Variants in STK39 observed in about 807,000 individuals in gnomAD.
STK39 encodes serine/threonine kinase 39.
Under a neutral mutation model 77.8 loss-of-function variants are expected in STK39, and 20 were observed. The observed-to-expected ratio is 0.26, with a 90% CI of 0.18 to 0.37. The LOEUF is 0.37. Among genes scored for constraint, STK39 ranks in the 10% least tolerant of loss-of-function variants. The pLI, the probability that STK39 is intolerant of heterozygous loss-of-function variation, is 1.00. For synonymous variants in STK39, 246 were observed against 234.1 expected (o/e 1.05, Z -0.47); for missense variants, 479 against 656.5 (o/e 0.73, Z 2.95).
intron 1 of STK39, among the ~76,000 whole-genome samples, chr2:168,215,788 G>A (rs1690010995): frequency 6.6e-6 from 1 of 152,130 alleles, no homozygotes; most frequent in African/African-American, 2.4e-5. Flanking sequence ...GCTAGGTGAG[G>A]AACTGTATTT....
At chr2:168,062,103 A>T (rs1685680989) in intron 14 of STK39, among the ~76,000 whole-genome samples, 1 of 152,172 alleles carries the variant, frequency 6.6e-6, no homozygotes, top group Non-Finnish European at 1.5e-5. Context: ...ACTAAAAAAA[A>T]GATTCCTGCA....
Position 168,162,915 on chromosome 2 carries a change from T to A in STK39, c.572+824A>T, listed in dbSNP as rs183348541. On this transcript the variant is annotated intron_variant, in intron 4 of 17. Transcript: ENST00000355999. ...GGTGCCGCATGCCTGTAATCCCAGC[T>A]ACTCGGGAGGCTGAGACAGGAGAAT... Among the ~76,000 whole-genome samples, 906 of 151,680 alleles carry A rather than the reference T, an allele frequency of 6.0e-3. 5 individuals carry two copies. Among genetic ancestry groups the A allele is most frequent in the Middle Eastern group, 0.024 (7 of 290 alleles).
chr2:168,102,783 T>TA (rs1686866421), intron 10 of STK39, among the ~76,000 whole-genome samples: 1 of 151,514 alleles, frequency 6.6e-6, no homozygotes, highest in South Asian at 2.1e-4. Context: ...CAAAAAAAAT[T>TA]AGTCTGTGTG....
In STK39 at chr2:167,973,787, G is replaced by A. The variant is rs554032412; in HGVS notation, c.1499-9061C>T. Among the ~76,000 whole-genome samples, 3 of 152,300 alleles carry A rather than the reference G, an allele frequency of 2.0e-5. No individual in the cohort carries two copies. In the South Asian group the frequency reaches 6.2e-4, roughly 32 times the overall value. On this transcript the variant is annotated intron_variant, in intron 16 of 17. Coordinates refer to ENST00000355999, the MANE Select transcript of STK39 (RefSeq NM_013233.3). ...TAAGAATAAGCTAAAGGTTTGAACA[G>A]TTATGGAAGGTCTGCAAAAATTAAT...
At chr2:168,033,601 T>C (rs1467582883) in intron 14 of STK39, among the ~76,000 whole-genome samples, 1 of 152,196 alleles carries the variant, frequency 6.6e-6, no homozygotes, top group Non-Finnish European at 1.5e-5. Context: ...TTCTGAAGTG[T>C]ACAATACACT....
At chr2:168,217,847 G>A (rs1690064765) in intron 1 of STK39, among the ~76,000 whole-genome samples, 1 of 152,150 alleles carries the variant, frequency 6.6e-6, no homozygotes, top group Non-Finnish European at 1.5e-5. Context: ...CCATGGACAT[G>A]GAGGACTGAC....
chr2:168,131,218 G>A (rs1156705522), intron 8 of STK39, among the ~76,000 whole-genome samples: 1 of 152,090 alleles, frequency 6.6e-6, no homozygotes, highest in Non-Finnish European at 1.5e-5. Context: ...GTTTAATCTG[G>A]GTGATGGTAT....
chr2:168,206,997 A>G (rs1277322506), intron 1 of STK39, among the ~76,000 whole-genome samples: 1 of 152,186 alleles, frequency 6.6e-6, no homozygotes, highest in East Asian at 1.9e-4. Context: ...CAAGACTCCA[A>G]TTTCAGGTGA....
intron 10 of STK39, among the ~76,000 whole-genome samples, chr2:168,081,610 C>T (rs1686233170): frequency 6.6e-6 from 1 of 152,096 alleles, no homozygotes; most frequent in Non-Finnish European, 1.5e-5. Flanking sequence ...TTTCAGAAGG[C>T]ATGATTGATT....
Position 168,016,387 on chromosome 2 carries a change from CAAA to C in STK39, c.1429+653_1429+655del, listed in dbSNP as rs869084308. 8.7e-3 allele frequency among the ~76,000 whole-genome samples: 572 copies of C among 65,676 alleles called. 7 individuals are homozygous for C. The highest frequency in any genetic ancestry group is 0.029 in the African/African-American group (524 of 18,024). The allele number at this position is 65,676 out of a possible 152,430, so 43.1% of individuals were successfully genotyped here. On this transcript the variant is annotated intron_variant, in intron 15 of 17. Coordinates refer to ENST00000355999, the MANE Select transcript of STK39 (RefSeq NM_013233.3). ...TTTTGTTTGGCTGGTGGCCTTTGTT[CAAA>C]AAAAAAAAAAAAAAAAAAAAAAACA...
chr2:168,107,836 T>A (rs1314541048), intron 10 of STK39, among the ~76,000 whole-genome samples: 3 of 152,194 alleles, frequency 2.0e-5, no homozygotes, highest in African/African-American at 7.2e-5. Flanking sequence ...ATGTGAAAAA[T>A]GTTTATAGTG....
chr2:168,181,895 C>T, intron 2 of STK39, 83 bp downstream of exon 2: 1 of 1,184,976 alleles, frequency 8.4e-7, no homozygotes, highest in Non-Finnish European at 1.2e-6. Flanking sequence ...CTGGAGATAA[C>T]ACCTTGCTCT....
At chr2:168,213,858 T>C (rs1689956789) in intron 1 of STK39, among the ~76,000 whole-genome samples, 1 of 152,214 alleles carries the variant, frequency 6.6e-6, no homozygotes, top group Non-Finnish European at 1.5e-5. Flanking sequence ...TAATCCTTAA[T>C]GTTCCTTTCA....
chr2:168,001,692 T>C (rs1173712631), intron 16 of STK39, among the ~76,000 whole-genome samples: 1 of 152,224 alleles, frequency 6.6e-6, no homozygotes, highest in Non-Finnish European at 1.5e-5. Context: ...CGGTATTACC[T>C]GTTATATAAG....
intron 5 of STK39, among the ~76,000 whole-genome samples, chr2:168,148,692 G>A (rs1030566298): frequency 2.0e-5 from 3 of 152,126 alleles, no homozygotes; most frequent in Admixed American, 6.5e-5. Flanking sequence ...CACACCCACG[G>A]CCAAAGAGGC....
chr2:168,165,979 G>A (rs995224015), intron 3 of STK39, among the ~76,000 whole-genome samples: 1 of 152,192 alleles, frequency 6.6e-6, no homozygotes, highest in Non-Finnish European at 1.5e-5. Flanking sequence ...CACCAGAGAT[G>A]TGGGTATGCT....
Position 168,085,528 on chromosome 2 carries a change from C to G in STK39, c.1090-10297G>C, listed in dbSNP as rs184171556. 2.0e-5 allele frequency among the ~76,000 whole-genome samples: 3 copies of G among 152,332 alleles called. No homozygotes were observed. The East Asian group carries it at 5.8e-4, about 29-fold the overall frequency. ...TGCCCATGGCACCAGTCCTGAGGAG[C>G]CTCCTCTGCACCCAGATCTGATTTA... On this transcript the variant is annotated intron_variant, in intron 10 of 17. Transcript: ENST00000355999.
chr2:167,990,004 A>T (rs1307050515), intron 16 of STK39, among the ~76,000 whole-genome samples: 2 of 152,180 alleles, frequency 1.3e-5, no homozygotes, highest in East Asian at 3.8e-4. Flanking sequence ...GGCTAAAACG[A>T]CCAATAATAA....
chr2:168,116,705 CA>C (rs1687268700), intron 10 of STK39, among the ~76,000 whole-genome samples: 1 of 152,160 alleles, frequency 6.6e-6, no homozygotes, highest in African/African-American at 2.4e-5. Flanking sequence ...GGCAGAGGGG[CA>C]AACATTTGCC....
Sources: gnomAD v4.1 joint callset for allele counts (sites outside exome capture counted in the v4.1 genomes callset) on GRCh38, gnomAD v4.1.1 for gene constraint, MANE v1.5 for transcripts, NCBI Gene and HGNC (gene_info 2026-07-23, HGNC 2026-07-21) for gene names.